CSNK2A1: variants seen among roughly 807,000 people sequenced by gnomAD.
The protein encoded by CSNK2A1 is casein kinase 2 alpha 1, also known as casein kinase II subunit alpha.
CSNK2A1 carries 10 observed loss-of-function variants against 62.9 expected under a neutral mutation model. That is an observed-to-expected ratio of 0.16 (90% CI 0.10 to 0.27). The LOEUF (loss-of-function observed/expected upper bound fraction) is 0.27, where lower values mean the gene tolerates loss of function less well. Ranked by LOEUF, CSNK2A1 falls within the 10% of genes least tolerant of loss-of-function variation. The probability of loss-of-function intolerance (pLI) is 1.00; values close to 1 mark genes in which losing one functional copy is unlikely to be tolerated. For synonymous variants in CSNK2A1, 124 were observed against 167.8 expected, an observed-to-expected ratio of 0.74 and a Z score of 2.02; for missense variants, 160 against 492.0, an observed-to-expected ratio of 0.33 and a Z score of 6.38.
chr20:542,161 C>G (rs1387797054), intron 1 of CSNK2A1, among the ~76,000 whole-genome samples: 2 of 152,210 alleles, frequency 1.3e-5, no homozygotes, highest in Non-Finnish European at 2.9e-5. Context: ...GTAAAAGCTA[C>G]TTACTACACT....
At chr20:485,002 G>A (rs2018040954) in intron 13 of CSNK2A1, among the ~76,000 whole-genome samples, 1 of 138,584 alleles carries the variant, frequency 7.2e-6, no homozygotes, top group Non-Finnish European at 1.5e-5. Flanking sequence ...GGGAGGCGGA[G>A]GCTGCAGCAG....
intron 3 of CSNK2A1, 139 bp from the exon 4 acceptor site, chr20:505,368 T>C (rs1357158486): frequency 1.4e-6 from 1 of 715,712 alleles, no homozygotes; most frequent in Non-Finnish European, 2.2e-6. Flanking sequence ...TTTTTTTTTT[T>C]TTTTTTTTGG....
intron 2 of CSNK2A1, among the ~76,000 whole-genome samples, chr20:517,672 T>G (rs1421462128): frequency 6.6e-6 from 1 of 152,100 alleles, no homozygotes; most frequent in Admixed American, 6.5e-5. Flanking sequence ...AACAAGAAAT[T>G]GCAAAGCGTA....
Position 505,259 on chromosome 20 carries a change from C to A in CSNK2A1, c.102-30G>T, listed in dbSNP as rs372022858. The A allele has an allele frequency of 2.6e-6, 4 of 1,539,874 alleles. No individual in the cohort carries two copies. The African/African-American group carries it at 5.5e-5, about 21-fold the overall frequency. On this transcript the variant is annotated intron_variant, in intron 3 of 13. Transcript: ENST00000217244. ...GGACACAAACAAAATGACTTATAAA[C>A]GGTCAAATTATCAGCATCAATTCAA...
chr20:495,574 T>C, intron 8 of CSNK2A1, 145 bp downstream of exon 8: 1 of 621,640 alleles, frequency 1.6e-6, no homozygotes, highest in Non-Finnish European at 2.9e-6. Context: ...CATGTTGACT[T>C]GTAAATTCGT....
intron 2 of CSNK2A1, among the ~76,000 whole-genome samples, chr20:526,459 T>G (rs925682468): frequency 3.3e-5 from 5 of 151,488 alleles, no homozygotes; most frequent in African/African-American, 1.2e-4. Flanking sequence ...AAATTGTTTT[T>G]AATAATAAAA....
At position 478,569 on chromosome 20, in the gene CSNK2A1, C is replaced by A; in HGVS notation, c.*5392G>T. 2.8e-6 allele frequency: 1 copy of A among 354,430 alleles called. No homozygotes were observed. Among genetic ancestry groups the A allele is most frequent in the South Asian group, 2.0e-5 (1 of 49,340 alleles). The allele number at this position is 354,430 out of a possible 1,614,324, so 22.0% of individuals were successfully genotyped here. On this transcript the variant is annotated 3_prime_UTR_variant, in exon 14 of 14. Transcript: ENST00000217244. ...CCCAGGAACTTCTCTAAGAAATGGA[C>A]TGACCATCCTGTAAGCTTCCATCTG...
intron 8 of CSNK2A1, among the ~76,000 whole-genome samples, chr20:493,840 G>A (rs1374684236): frequency 1.3e-5 from 2 of 151,606 alleles, no homozygotes; most frequent in Admixed American, 1.3e-4. Context: ...CAAAAATGGA[G>A]TCATTGGCAT....
At chr20:532,430 GC>G (rs2019233453) in intron 1 of CSNK2A1, among the ~76,000 whole-genome samples, 1 of 151,330 alleles carries the variant, frequency 6.6e-6, no homozygotes, top group South Asian at 2.1e-4. Context: ...GCCCGCCTCG[GC>G]CTCCCAAAGT....
intron 13 of CSNK2A1, among the ~76,000 whole-genome samples, chr20:485,583 G>A (rs184248612): frequency 6.6e-6 from 1 of 152,266 alleles, no homozygotes; most frequent in African/African-American, 2.4e-5. Context: ...TCCATTAAAT[G>A]GATATACCAT....
chr20:536,860 C>T (rs1250613568), intron 1 of CSNK2A1, among the ~76,000 whole-genome samples: 3 of 152,074 alleles, frequency 2.0e-5, no homozygotes, highest in Non-Finnish European at 2.9e-5. Context: ...ACGTGGCAGG[C>T]GCTCAGGATC....
chr20:505,334 A>T, intron 3 of CSNK2A1, 105 bp from the exon 4 acceptor site: 1 of 782,250 alleles, frequency 1.3e-6, no homozygotes, highest in Non-Finnish European at 2.0e-6. Context: ...GAAGTATTTC[A>T]AACAATTCCC....
chr20:529,569 C>A (rs182891272), intron 1 of CSNK2A1, among the ~76,000 whole-genome samples: 79 of 152,120 alleles, frequency 5.2e-4, no homozygotes, highest in Admixed American at 3.1e-3. Context: ...TCTGGAAATG[C>A]CAATGTGAAG....
rs200022608 is a variant in CSNK2A1 at position 485,113 on chromosome 20, T to A, written c.1061-1037A>T. On this transcript the variant is annotated intron_variant, in intron 13 of 13. Coordinates refer to ENST00000217244, the MANE Select transcript of CSNK2A1 (RefSeq NM_177559.3). ...AAAAAAAAAAAAAAAAAAAAAAATA[T>A]ATATATATATATATATATATATATG... is the stretch of plus-strand genomic sequence containing the variant. 4.1e-3 allele frequency among the ~76,000 whole-genome samples: 152 copies of A among 37,128 alleles called. 4 individuals carry two copies. The highest frequency in any genetic ancestry group is 5.0e-3 in the Non-Finnish European group (110 of 21,922). The allele number at this position is 37,128 out of a possible 152,430, so 24.4% of individuals were successfully genotyped here.
chr20:505,351 GTTTTTTTTTTTTTT>G lies in CSNK2A1; in HGVS notation c.102-136_102-123del, dbSNP rs746624346. 100 of 236,170 alleles carry G rather than the reference GTTTTTTTTTTTTTT, an allele frequency of 4.2e-4. 1 individual carries two copies. Among genetic ancestry groups the G allele is most frequent in the Middle Eastern group, 1.4e-3 (1 of 726 alleles). The allele number at this position is 236,170 out of a possible 1,614,324, so 14.6% of individuals were successfully genotyped here. A position where few individuals can be genotyped will look rare whatever the true frequency, so the allele number is the denominator to read the frequency against. ...AGTATTTCAAACAATTCCCAAATAG[GTTTTTTTTTTTTTT>G]TTTTTTTTTTTGGAGATGGAGTCTC... On this transcript the variant is annotated intron_variant, in intron 3 of 13. Transcript: ENST00000217244.
At chr20:488,648 C>T in intron 11 of CSNK2A1, 30 bp downstream of exon 11, 1 of 1,604,260 alleles carries the variant, frequency 6.2e-7, no homozygotes, top group Non-Finnish European at 8.5e-7. Flanking sequence ...GCTTAAGCCA[C>T]AGATGCACAT....
chr20:492,455 C>G, intron 8 of CSNK2A1, 91 bp from the exon 9 acceptor site: 2 of 1,272,804 alleles, frequency 1.6e-6, no homozygotes, highest in South Asian at 2.6e-5. Context: ...ATACCAGACA[C>G]GTCACTCTTT....
At chr20:528,579 C>A (rs1162513864) in intron 1 of CSNK2A1, among the ~76,000 whole-genome samples, 3 of 150,296 alleles carry the variant, frequency 2.0e-5, no homozygotes, top group African/African-American at 7.5e-5. Context: ...CTGTCCCCTG[C>A]TAATTAAATT....
chr20:516,443 C>A (rs1368533676), intron 2 of CSNK2A1, among the ~76,000 whole-genome samples: 4 of 152,156 alleles, frequency 2.6e-5, no homozygotes, highest in African/African-American at 9.7e-5. Flanking sequence ...CATGGGTCTG[C>A]ATGACCTATT....
Sources: gnomAD v4.1 joint callset for allele counts (sites outside exome capture counted in the v4.1 genomes callset) on GRCh38, gnomAD v4.1.1 for gene constraint, MANE v1.5 for transcripts, NCBI Gene and HGNC (gene_info 2026-07-23, HGNC 2026-07-21) for gene names.